The following CENPI variants were observed in gnomAD, a reference collection of about 807,000 sequenced individuals.
CENPI encodes centromere protein I, also known as FSH primary response 1.
In CENPI, 4 loss-of-function variants were observed where a neutral mutation model predicts 60.4. The ratio of observed to expected loss-of-function variants is 0.07; its 90% CI spans 0.03 to 0.15. The LOEUF (loss-of-function observed/expected upper bound fraction) is 0.15. Among genes scored for constraint, CENPI ranks in the 10% least tolerant of loss-of-function variants. The pLI, the probability that CENPI is intolerant of heterozygous loss-of-function variation, is 1.00. For synonymous variants in CENPI, 157 were observed against 189.4 expected (o/e 0.83, Z 1.40); for missense variants, 444 against 534.5 (o/e 0.83, Z 1.67).
chrX:101,099,431 CAA>C (rs551596409), intron 2 of CENPI, among the ~76,000 whole-genome samples: 16 of 84,626 alleles, frequency 1.9e-4, no homozygotes, highest in African/African-American at 3.5e-4. Flanking sequence ...GAGACTGTCT[CAA>C]AAAAAAAAAA....
chrX:101,146,868 G>A (rs1013642439), intron 18 of CENPI, among the ~76,000 whole-genome samples: 23 of 110,678 alleles, frequency 2.1e-4, no homozygotes, highest in African/African-American at 6.6e-4. Context: ...CCGAGTAGCT[G>A]GGATTACAGG....
At chrX:101,106,153 G>C (rs2089481519) in intron 4 of CENPI, among the ~76,000 whole-genome samples, 1 of 111,531 alleles carries the variant, frequency 9.0e-6, no homozygotes, top group Non-Finnish European at 1.9e-5. Flanking sequence ...TTTGAATTTG[G>C]TGCACATGTA....
intron 20 of CENPI, among the ~76,000 whole-genome samples, chrX:101,153,840 C>T (rs1250562352): frequency 1.8e-5 from 2 of 111,562 alleles, no homozygotes; most frequent in Non-Finnish European, 3.8e-5. Flanking sequence ...ACTGCCTAAC[C>T]CAAGGTTACA....
intron 13 of CENPI, among the ~76,000 whole-genome samples, chrX:101,130,436 AAAC>A (rs1341504650): frequency 2.6e-4 from 29 of 111,963 alleles, no homozygotes; most frequent in African/African-American, 3.9e-4. Context: ...CCTGTCTCAA[AAAC>A]AACAACAACA....
rs367784525 is a variant in CENPI, at chrX:101,151,603, G to A, written c.2094+3442G>A. Among the ~76,000 whole-genome samples the A allele has an allele frequency of 3.0e-4, 33 of 111,120 alleles. No individual in the cohort carries two copies. In the East Asian group the frequency reaches 7.1e-3, roughly 24 times the overall value. ...TCGCAGCACTTTGGGAGGCCAAGGC[G>A]GGCAGATCACTTGAGGTCAGGAGTT... is the stretch of plus-strand genomic sequence containing the variant. On this transcript the variant is annotated intron_variant, in intron 20 of 21. Transcript: ENST00000682095.
chrX:101,120,542 T>C (rs1453180022), intron 7 of CENPI, 92 bp downstream of exon 7: 3 of 605,282 alleles, frequency 5.0e-6, no homozygotes, highest in Non-Finnish European at 7.9e-6. Flanking sequence ...GCATTAGTTA[T>C]ATGACAGAAG....
At chrX:101,141,559 T>C (rs749131677) in intron 16 of CENPI, among the ~76,000 whole-genome samples, 9 of 111,329 alleles carry the variant, frequency 8.1e-5, no homozygotes, top group Non-Finnish European at 1.7e-4. Context: ...CTGGCCAGGA[T>C]GGTCTCGATC....
chrX:101,117,244 A>G (rs942586984), intron 6 of CENPI, among the ~76,000 whole-genome samples: 5 of 111,737 alleles, frequency 4.5e-5, no homozygotes, highest in Non-Finnish European at 7.5e-5. Flanking sequence ...CTTGTTGCCC[A>G]GGCTGGAGTG....
At chrX:101,160,377 T>TTTAGTTC (rs1195943511) in intron 20 of CENPI, among the ~76,000 whole-genome samples, 1 of 56,639 alleles carries the variant, frequency 1.8e-5, no homozygotes, top group Non-Finnish European at 3.4e-5. Flanking sequence ...TTTTAGTTCT[T>TTTAGTTC]TTTTTTTTTT....
At chrX:101,131,390 G>A in intron 13 of CENPI, among the ~76,000 whole-genome samples, 1 of 111,181 alleles carries the variant, frequency 9.0e-6, no homozygotes, top group East Asian at 2.8e-4. Flanking sequence ...AATTTAGGTT[G>A]ACGTTTATGT....
At chrX:101,175,523 G>T in the CENPI span, among the ~76,000 whole-genome samples, 1 of 112,177 alleles carries the variant, frequency 8.9e-6, no homozygotes, top group African/African-American at 3.2e-5. Context: ...GTAGTTTCTT[G>T]TCCTAACTTC....
intron 15 of CENPI, among the ~76,000 whole-genome samples, chrX:101,132,708 C>T (rs1287134005): frequency 2.7e-5 from 3 of 111,487 alleles, no homozygotes; most frequent in African/African-American, 6.5e-5. Context: ...GTGGCAGATG[C>T]ATATTAATAA....
At chrX:101,138,176 TG>T (rs2148213926) in intron 15 of CENPI, among the ~76,000 whole-genome samples, 1 of 99,869 alleles carries the variant, frequency 1.0e-5, no homozygotes, top group Admixed American at 1.1e-4. Context: ...TTAGTAGAGA[TG>T]GCGTTTCACC....
intron 15 of CENPI, among the ~76,000 whole-genome samples, chrX:101,136,657 C>T (rs1381304845): frequency 5.4e-5 from 6 of 110,824 alleles, no homozygotes; most frequent in East Asian, 2.8e-4. Context: ...TTATTTTCAC[C>T]GAAGAATTTT....
Position 101,126,818 on chromosome X carries a change from G to T in CENPI, c.777+20G>T, listed in dbSNP as rs766051399. ...AAGAAGGTAAGGGATTAAGGAGAGA[G>T]AAATCATATTAAGATTGAAATATGT... On this transcript the variant is annotated intron_variant, in intron 9 of 21. Transcript: ENST00000682095. 2.6e-5 allele frequency: 28 copies of T among 1,089,157 alleles called. No individual in the cohort carries two copies. The highest frequency in any genetic ancestry group is 4.9e-4 in the Middle Eastern group (2 of 4,090). The allele number at this position is 1,089,157 out of a possible 1,213,427, so 89.8% of individuals were successfully genotyped here.
intron 4 of CENPI, among the ~76,000 whole-genome samples, chrX:101,108,681 G>A (rs1219747997): frequency 9.5e-6 from 1 of 105,410 alleles, no homozygotes; most frequent in Non-Finnish European, 1.9e-5. Flanking sequence ...GTCTCACTCT[G>A]TCACCCAGGC....
At chrX:101,113,614 C>G (rs1306242780) in intron 6 of CENPI, among the ~76,000 whole-genome samples, 2 of 112,103 alleles carry the variant, frequency 1.8e-5, no homozygotes, top group East Asian at 5.6e-4. Flanking sequence ...CTGGCCGATA[C>G]TATTTTTACA....
rs138135320 is a variant in CENPI at position 101,122,726 on chromosome X, A to T, written c.687+1942A>T. 2.5e-4 allele frequency among the ~76,000 whole-genome samples: 28 copies of T among 110,791 alleles called. No individual in the cohort carries two copies. In the East Asian group the frequency reaches 7.4e-3, roughly 29 times the overall value. On this transcript the variant is annotated intron_variant, in intron 8 of 21. Coordinates refer to ENST00000682095, the MANE Select transcript of CENPI (RefSeq NM_001386188.2). ...CCCCGTCTCTACTAAAAATACAAAA[A>T]ATAGCTGGGCGTGATGGTGGGCACC...
intron 11 of CENPI, among the ~76,000 whole-genome samples, chrX:101,128,388 C>T (rs1285680315): frequency 2.7e-5 from 3 of 109,731 alleles, no homozygotes; most frequent in African/African-American, 1.0e-4. Flanking sequence ...GTTCCAGCTA[C>T]TCAAGAGGCT....
Sources: allele counts gnomAD v4.1 joint callset (sites outside exome capture counted in the v4.1 genomes callset), GRCh38; gene constraint gnomAD v4.1.1; transcripts MANE v1.5; gene names NCBI Gene and HGNC (gene_info 2026-07-23, HGNC 2026-07-21).